The following PRMT8 variants were observed in gnomAD, a reference collection of about 807,000 sequenced individuals.
PRMT8 encodes protein arginine N-methyltransferase 8.
In PRMT8, 7 loss-of-function variants were observed where a neutral mutation model predicts 47.1. The ratio of observed to expected loss-of-function variants is 0.15; its 90% confidence interval spans 0.08 to 0.28. The LOEUF (loss-of-function observed/expected upper bound fraction) is 0.28, where lower values mean the gene tolerates loss of function less well. Among genes scored for constraint, PRMT8 ranks in the 10% least tolerant of loss-of-function variants. PRMT8 has a pLI of 1.00. For missense variants in PRMT8, 237 were observed against 505.4 expected, an observed-to-expected ratio of 0.47 and a Z score of 5.09; for synonymous variants, 188 against 186.5, an observed-to-expected ratio of 1.01 and a Z score of -0.07.
intron 8 of PRMT8, among the ~76,000 whole-genome samples, chr12:3,591,197 A>G (rs1867293818): frequency 6.6e-6 from 1 of 152,094 alleles, no homozygotes; most frequent in South Asian, 2.1e-4. Flanking sequence ...AAGAGACTCA[A>G]TGGCAGATAT....
At chr12:3,408,293 G>T (rs1864393174) in intron 1 of PRMT8, among the ~76,000 whole-genome samples, 1 of 151,172 alleles carries the variant, frequency 6.6e-6, no homozygotes, top group Middle Eastern at 3.2e-3. Context: ...GAGTGCAGTG[G>T]TGTGATTTCA....
rs1867047896 is a variant in PRMT8, at chr12:3,580,848, T to C, written c.829-2210T>C. Among the ~76,000 whole-genome samples the C allele has an allele frequency of 6.6e-6, 1 of 152,136 alleles. No homozygotes were observed. The highest frequency in any genetic ancestry group is 1.5e-5 in the Non-Finnish European group (1 of 68,016). ...GACACTGTGATGCCATTAACAACAA[T>C]ACAGGCAACCAAGGCTTGTCCGAAG... On this transcript the variant is annotated intron_variant, in intron 7 of 9. Coordinates refer to ENST00000382622, the MANE Select transcript of PRMT8 (RefSeq NM_019854.5). This position sits in a 1 kb window ranked among gnomAD's most constrained non-coding sequence, Gnocchi z 4.6.
At chr12:3,504,564 G>T (rs1216767922) in intron 1 of PRMT8, among the ~76,000 whole-genome samples, 1 of 103,918 alleles carries the variant, frequency 9.6e-6, no homozygotes, top group Non-Finnish European at 2.2e-5. Flanking sequence ...CCCGTTCTCA[G>T]ATCTCCAGCT....
chr12:3,466,080 A>C (rs536423778), intron 1 of PRMT8, among the ~76,000 whole-genome samples: 1 of 152,274 alleles, frequency 6.6e-6, no homozygotes, highest in East Asian at 1.9e-4. Flanking sequence ...CCCTCCCTGC[A>C]CCTGCTGTGG....
chr12:3,486,501 A>G (rs1865324933), upstream of PRMT8, among the ~76,000 whole-genome samples: 1 of 152,144 alleles, frequency 6.6e-6, no homozygotes, highest in Non-Finnish European at 1.5e-5. Flanking sequence ...AAAAATATGT[A>G]TTAAGTTATT....
rs1866795826 is a variant in PRMT8 at position 3,569,122 on chromosome 12, T to C, written c.624+274T>C. ...CCGTTCTCTCTTGTCGAGTTAAAGG[T>C]CCGTTTCGGTCAGCAAGTACTTAGG... On this transcript the variant is annotated intron_variant, in intron 5 of 9. Transcript: ENST00000382622. The surrounding 1 kb of genome is among the most constrained non-coding windows in gnomAD (Gnocchi z 8.2). Among the ~76,000 whole-genome samples, 1 of 152,126 alleles carries C rather than the reference T, an allele frequency of 6.6e-6. No individual in the cohort carries two copies. The highest frequency in any genetic ancestry group is 6.5e-5 in the Admixed American group (1 of 15,284).
At chr12:3,483,681 C>T (rs765252060) in intron 1 of PRMT8, among the ~76,000 whole-genome samples, 1 of 152,042 alleles carries the variant, frequency 6.6e-6, no homozygotes, top group Non-Finnish European at 1.5e-5. Flanking sequence ...CTGAGCAGCC[C>T]GTTAATTTGA....
intron 1 of PRMT8, among the ~76,000 whole-genome samples, chr12:3,526,251 A>G (rs1865948655): frequency 6.6e-6 from 1 of 152,156 alleles, no homozygotes; most frequent in South Asian, 2.1e-4. Context: ...ACCATATTTT[A>G]TCTATTCACC....
At chr12:3,548,500 A>C (rs971311064) in intron 2 of PRMT8, among the ~76,000 whole-genome samples, 1 of 152,250 alleles carries the variant, frequency 6.6e-6, no homozygotes, top group African/African-American at 2.4e-5. Flanking sequence ...CAAACAGTTC[A>C]AGACAAAAAT....
chr12:3,527,340 G>A (rs1865962884), intron 1 of PRMT8, among the ~76,000 whole-genome samples: 1 of 152,038 alleles, frequency 6.6e-6, no homozygotes, highest in African/African-American at 2.4e-5. Flanking sequence ...TAATGGGCGG[G>A]CAGCATATAC....
At chr12:3,474,731 A>C (rs1361378687) in intron 1 of PRMT8, among the ~76,000 whole-genome samples, 1 of 152,096 alleles carries the variant, frequency 6.6e-6, no homozygotes, top group Non-Finnish European at 1.5e-5. Flanking sequence ...GCTTGCCCCC[A>C]TAAGGCCTTC....
At position 3,576,838 on chromosome 12, in the gene PRMT8, C is replaced by A. The variant is rs540644209; in HGVS notation, c.713-33C>A. 1 of 1,575,640 alleles carries A rather than the reference C, an allele frequency of 6.3e-7. No individual in the cohort carries two copies. Among genetic ancestry groups the A allele is most frequent in the Non-Finnish European group, 8.7e-7 (1 of 1,146,394 alleles). ...GTTGGGTGAGCTTCTGGGGGTCCTG[C>A]GCCTGCCTTCACGTCTTGCTCTGCT... On this transcript the variant is annotated intron_variant, in intron 6 of 9. Coordinates refer to ENST00000382622, the MANE Select transcript of PRMT8 (RefSeq NM_019854.5). This position sits in a 1 kb window ranked among gnomAD's most constrained non-coding sequence, Gnocchi z 4.0.
chr12:3,520,481 G>C (rs1865864262), intron 1 of PRMT8, among the ~76,000 whole-genome samples: 2 of 152,130 alleles, frequency 1.3e-5, no homozygotes, highest in Admixed American at 6.5e-5. Context: ...CCTAACTCCA[G>C]CCAGTTTCTT....
At chr12:3,424,187 G>T (rs1473095727) in intron 1 of PRMT8, among the ~76,000 whole-genome samples, 1 of 152,166 alleles carries the variant, frequency 6.6e-6, no homozygotes, top group African/African-American at 2.4e-5. Flanking sequence ...CTCAAACTAA[G>T]ATATTTACTC....
intron 1 of PRMT8, among the ~76,000 whole-genome samples, chr12:3,497,988 CTCAT>C: frequency 6.6e-6 from 1 of 152,158 alleles, no homozygotes; most frequent in East Asian, 1.9e-4. Flanking sequence ...AACGTAGCAT[CTCAT>C]TTATTGTTTT....
chr12:3,589,675 A>G (rs1187113305), intron 8 of PRMT8, among the ~76,000 whole-genome samples: 20 of 152,236 alleles, frequency 1.3e-4, no homozygotes, highest in Admixed American at 1.3e-3. Flanking sequence ...TAATGGGCCC[A>G]TCATGGAAAC....
At position 3,564,087 on chromosome 12, in the gene PRMT8, G is replaced by C. The variant is rs781313343; in HGVS notation, c.482-4619G>C. On this transcript the variant is annotated intron_variant, in intron 4 of 9. Transcript: ENST00000382622. This position sits in a 1 kb window ranked among gnomAD's most constrained non-coding sequence, Gnocchi z 4.0. ...GGAATGCATACGCTGGAGGTGAGCC[G>C]GGCCCTCCGCAGGTGCAAGGCAGCC... Among the ~76,000 whole-genome samples the C allele has an allele frequency of 6.6e-6, 1 of 152,242 alleles. No individual in the cohort carries two copies. Among genetic ancestry groups the C allele is most frequent in the Non-Finnish European group, 1.5e-5 (1 of 68,026 alleles).
At chr12:3,565,507 G>A (rs1860450) in intron 4 of PRMT8, among the ~76,000 whole-genome samples, 42,042 of 152,014 alleles carry the variant, frequency 0.28, 6,101 homozygotes, top group East Asian at 0.46. Context: ...CAACTGTGGG[G>A]CCATGTCCAC....
intron 1 of PRMT8, among the ~76,000 whole-genome samples, chr12:3,431,334 A>G (rs1356566346): frequency 6.6e-6 from 1 of 152,124 alleles, no homozygotes; most frequent in Non-Finnish European, 1.5e-5. Context: ...CAGAGAGGGC[A>G]CCAAACTGCA....
Sources: allele counts gnomAD v4.1 joint callset (sites outside exome capture counted in the v4.1 genomes callset), GRCh38; gene constraint gnomAD v4.1.1; non-coding constraint Gnocchi (gnomAD v3.1); transcripts MANE v1.5; gene names NCBI Gene and HGNC (gene_info 2026-07-23, HGNC 2026-07-21).